Variants in FAM135B observed in about 807,000 individuals in gnomAD.
FAM135B encodes family with sequence similarity 135 member B.
FAM135B carries 43 observed loss-of-function variants against 127.7 expected under a neutral mutation model. The observed-to-expected ratio is 0.34, with a 90% CI of 0.26 to 0.43. FAM135B has a LOEUF of 0.43. Among genes scored for constraint, FAM135B ranks in the 20% least tolerant of loss-of-function variants. The pLI, the probability that FAM135B is intolerant of heterozygous loss-of-function variation, is 1.00. For missense variants in FAM135B, 1,558 were observed against 1,725.6 expected, an observed-to-expected ratio of 0.90 and a Z score of 1.72; for synonymous variants, 670 against 665.1, an observed-to-expected ratio of 1.01 and a Z score of -0.11.
At chr8:138,181,164 C>T (rs1476420530) in intron 9 of FAM135B, among the ~76,000 whole-genome samples, 2 of 152,096 alleles carry the variant, frequency 1.3e-5, no homozygotes, top group Non-Finnish European at 2.9e-5. Context: ...TTGCTTGAAC[C>T]TGGGAAGCAG....
At chr8:138,367,295 G>T (rs769759409) in intron 2 of FAM135B, 3 of 440,288 alleles carry the variant, frequency 6.8e-6, no homozygotes, top group South Asian at 3.2e-5. Context: ...ATCTGTGTTT[G>T]GTTTCTTATA....
intron 9 of FAM135B, among the ~76,000 whole-genome samples, chr8:138,179,714 G>A (rs1313838682): frequency 1.3e-5 from 2 of 152,106 alleles, no homozygotes; most frequent in East Asian, 3.9e-4. Context: ...TTCTTTTAGT[G>A]ACAGGGTCTC....
chr8:138,179,405 T>C (rs1285465933), intron 9 of FAM135B, among the ~76,000 whole-genome samples: 1 of 152,204 alleles, frequency 6.6e-6, no homozygotes, highest in African/African-American at 2.4e-5. Context: ...CCCTATCTAA[T>C]CCTGCCAGAT....
In FAM135B at chr8:138,493,435, T is replaced by C. The variant is rs140875578; in HGVS notation, c.-20+3236A>G. On this transcript the variant is annotated intron_variant, in intron 1 of 19. Coordinates refer to ENST00000395297, the MANE Select transcript of FAM135B (RefSeq NM_015912.4). ...GACTCATTTGGGGCATTTCAAAAAA[T>C]TCTGGAACCCTCTATTATTGGCAAT... Among the ~76,000 whole-genome samples, 1,444 of 152,276 alleles carry C rather than the reference T, an allele frequency of 9.5e-3. 24 individuals are homozygous for C. Among genetic ancestry groups the C allele is most frequent in the African/African-American group, 0.033 (1,369 of 41,546 alleles).
chr8:138,360,174 G>C (rs555807111), intron 2 of FAM135B, among the ~76,000 whole-genome samples: 9 of 152,156 alleles, frequency 5.9e-5, no homozygotes, highest in Non-Finnish European at 1.3e-4. Context: ...TTAGAGTTTT[G>C]TCTGAATTAA....
At chr8:138,445,403 A>AAT (rs1836075486) in intron 1 of FAM135B, among the ~76,000 whole-genome samples, 1 of 152,230 alleles carries the variant, frequency 6.6e-6, no homozygotes, top group Non-Finnish European at 1.5e-5. Context: ...AAAAATCCTC[A>AAT]ATAAAATACT....
At chr8:138,337,287 G>T (rs1289637144) in intron 2 of FAM135B, among the ~76,000 whole-genome samples, 1 of 151,200 alleles carries the variant, frequency 6.6e-6, no homozygotes, top group African/African-American at 2.4e-5. Flanking sequence ...GAAATAAAGG[G>T]TATTCAATTA....
intron 7 of FAM135B, among the ~76,000 whole-genome samples, chr8:138,227,503 A>C (rs1819550076): frequency 6.6e-6 from 1 of 152,168 alleles, no homozygotes. Context: ...ATGCTATGAG[A>C]GTCCTGTTAC....
chr8:138,385,429 A>T (rs1832135978), intron 1 of FAM135B, among the ~76,000 whole-genome samples: 1 of 152,088 alleles, frequency 6.6e-6, no homozygotes, highest in Non-Finnish European at 1.5e-5. Flanking sequence ...CTCCATAAAT[A>T]TTTGCCGATT....
At position 138,242,303 on chromosome 8, in the gene FAM135B, A is replaced by G. The variant is rs1202834259; in HGVS notation, c.669+639T>C. Among the ~76,000 whole-genome samples, 1 of 151,876 alleles carries G rather than the reference A, an allele frequency of 6.6e-6. No homozygotes were observed. The highest frequency in any genetic ancestry group is 6.6e-5 in the Admixed American group (1 of 15,218). On this transcript the variant is annotated intron_variant, in intron 7 of 19. Coordinates refer to ENST00000395297, the MANE Select transcript of FAM135B (RefSeq NM_015912.4). This position sits in a 1 kb window ranked among gnomAD's most constrained non-coding sequence, Gnocchi z 9.6. ...TTATGAGTAGGCCACTAATAAAAAC[A>G]TAGCATATACTGGCTTGGGAGAAAT...
chr8:138,421,323 A>G (rs1587411038), intron 1 of FAM135B, among the ~76,000 whole-genome samples: 2 of 152,170 alleles, frequency 1.3e-5, no homozygotes, highest in Non-Finnish European at 2.9e-5. Context: ...AAAAAAATAT[A>G]TATCTAAATA....
chr8:138,140,566 A>G (rs549715180), intron 17 of FAM135B, among the ~76,000 whole-genome samples: 1 of 151,748 alleles, frequency 6.6e-6, no homozygotes, highest in African/African-American at 2.4e-5. Flanking sequence ...TCTTTGTCTG[A>G]CTCTTGCTGA....
intron 12 of FAM135B, among the ~76,000 whole-genome samples, chr8:138,164,596 G>C (rs964785348): frequency 6.6e-6 from 1 of 152,154 alleles, no homozygotes; most frequent in Non-Finnish European, 1.5e-5. Flanking sequence ...ACCTCCTTTG[G>C]AGAGGCTCAT....
intron 3 of FAM135B, among the ~76,000 whole-genome samples, chr8:138,273,024 T>C (rs564193915): frequency 1.1e-4 from 16 of 152,248 alleles, no homozygotes; most frequent in African/African-American, 3.6e-4. Context: ...AGATGACCTA[T>C]GAAAGTACCT....
chr8:138,396,985 G>A (rs1438290530), intron 1 of FAM135B, among the ~76,000 whole-genome samples: 1 of 152,142 alleles, frequency 6.6e-6, no homozygotes, highest in African/African-American at 2.4e-5. Context: ...ATAAAATCAG[G>A]GTTCCTTGAC....
rs538440159 is a variant in FAM135B at position 138,487,747 on chromosome 8, A to T, written c.-20+8924T>A. Among the ~76,000 whole-genome samples, 9 of 152,254 alleles carry T rather than the reference A, an allele frequency of 5.9e-5. No individual in the cohort carries two copies. The South Asian group carries it at 1.7e-3, about 28-fold the overall frequency. ...CCAGGCACAGGGGCTCATGTCCATAATCCCAGCACTTTGGGAGGCCAAGGT... is the reference window on the plus strand; with the variant it reads ...CCAGGCACAGGGGCTCATGTCCATATTCCCAGCACTTTGGGAGGCCAAGGT... On this transcript the variant is annotated intron_variant, in intron 1 of 19. Transcript: ENST00000395297.
At chr8:138,170,404 T>G (rs149219620) in intron 11 of FAM135B, among the ~76,000 whole-genome samples, 1 of 151,924 alleles carries the variant, frequency 6.6e-6, no homozygotes, top group Non-Finnish European at 1.5e-5. Context: ...GTATTTTTAG[T>G]AGGGACAGGG....
At chr8:138,357,117 T>A (rs1830137984) in intron 2 of FAM135B, among the ~76,000 whole-genome samples, 1 of 152,038 alleles carries the variant, frequency 6.6e-6, no homozygotes, top group Non-Finnish European at 1.5e-5. Flanking sequence ...TTAGAGCATA[T>A]TATTTATATT....
At chr8:138,184,211 C>T (rs1030107697) in intron 9 of FAM135B, among the ~76,000 whole-genome samples, 20 of 152,104 alleles carry the variant, frequency 1.3e-4, no homozygotes, top group African/African-American at 4.3e-4. Flanking sequence ...ACTGTTTTTG[C>T]CCCCTGAAGG....
Sources: allele counts gnomAD v4.1 joint callset (sites outside exome capture counted in the v4.1 genomes callset), GRCh38; gene constraint gnomAD v4.1.1; non-coding constraint Gnocchi (gnomAD v3.1); transcripts MANE v1.5; gene names NCBI Gene and HGNC (gene_info 2026-07-23, HGNC 2026-07-21).